Variants in MTHFD2L observed in about 807,000 individuals in gnomAD.
MTHFD2L encodes the protein bifunctional methylenetetrahydrofolate dehydrogenase/cyclohydrolase 2, mitochondrial.
MTHFD2L carries 29 observed loss-of-function variants against 34.9 expected under a neutral mutation model. The observed-to-expected ratio is 0.83, with a 90% CI of 0.62 to 1.13. MTHFD2L has a LOEUF of 1.13. Among genes scored for constraint, MTHFD2L ranks in the 50% most tolerant of loss-of-function variants. The pLI, the probability that MTHFD2L is intolerant of heterozygous loss-of-function variation, is 0.00. For synonymous variants in MTHFD2L, 167 were observed against 155.7 expected (o/e 1.07, Z -0.54); for missense variants, 481 against 446.5 (o/e 1.08, Z -0.70).
chr4:74,165,462 A>G (rs1726479692), intron 1 of MTHFD2L, among the ~76,000 whole-genome samples: 1 of 152,064 alleles, frequency 6.6e-6, no homozygotes, highest in Non-Finnish European at 1.5e-5. Context: ...GGTTCAAGTG[A>G]TTCTCCTGCC....
upstream of MTHFD2L, among the ~76,000 whole-genome samples, chr4:74,155,230 G>A (rs1326850480): frequency 6.6e-6 from 1 of 152,128 alleles, no homozygotes; most frequent in African/African-American, 2.4e-5. Context: ...TTTCATATAA[G>A]TGTAATACAG....
intron 3 of MTHFD2L, among the ~76,000 whole-genome samples, chr4:74,192,069 G>T (rs779110095): frequency 1.3e-5 from 2 of 152,072 alleles, no homozygotes; most frequent in Non-Finnish European, 2.9e-5. Context: ...CTGTGGATCA[G>T]TGAAAAAGAA....
At chr4:74,137,463 A>G (rs1434730529) in intron 1 of MTHFD2L, among the ~76,000 whole-genome samples, 1 of 152,190 alleles carries the variant, frequency 6.6e-6, no homozygotes, top group Non-Finnish European at 1.5e-5. Flanking sequence ...AAGATAGATA[A>G]TAACAGATGC....
chr4:74,220,992 T>C (rs913756657), intron 5 of MTHFD2L, among the ~76,000 whole-genome samples: 1 of 151,118 alleles, frequency 6.6e-6, no homozygotes, highest in African/African-American at 2.4e-5. Context: ...TTATAGGATC[T>C]AATATGAAGT....
chr4:74,144,270 T>C (rs998153241), intron 1 of MTHFD2L, among the ~76,000 whole-genome samples: 4 of 152,070 alleles, frequency 2.6e-5, no homozygotes, highest in Admixed American at 2.0e-4. Context: ...CTGACCAATA[T>C]GGTGAAACCC....
At chr4:74,239,442 C>T (rs1261909004) in intron 6 of MTHFD2L, among the ~76,000 whole-genome samples, 3 of 149,470 alleles carry the variant, frequency 2.0e-5, no homozygotes, top group African/African-American at 7.4e-5. Flanking sequence ...ACCTATGTAA[C>T]AAACCTGCAT....
At chr4:74,190,851 A>G (rs1190760239) in intron 3 of MTHFD2L, among the ~76,000 whole-genome samples, 1 of 152,208 alleles carries the variant, frequency 6.6e-6, no homozygotes, top group African/African-American at 2.4e-5. Flanking sequence ...ATTAAAATAT[A>G]AATTCCAGAG....
intron 1 of MTHFD2L, among the ~76,000 whole-genome samples, chr4:74,172,545 T>A (rs1728227618): frequency 6.6e-6 from 1 of 152,196 alleles, no homozygotes; most frequent in Admixed American, 6.5e-5. Context: ...TACTCATAAA[T>A]TATGATTGTT....
intron 1 of MTHFD2L, among the ~76,000 whole-genome samples, chr4:74,171,808 A>G (rs1728056240): frequency 6.6e-6 from 1 of 152,216 alleles, no homozygotes; most frequent in Non-Finnish European, 1.5e-5. Flanking sequence ...CCCACAAAAA[A>G]AATATTTTAA....
rs1230795847 is a variant in MTHFD2L at position 74,250,733 on chromosome 4, T to G, written c.805+25339T>G. Among the ~76,000 whole-genome samples the G allele has an allele frequency of 3.9e-5, 6 of 152,190 alleles. No homozygotes were observed. The South Asian group carries it at 1.2e-3, about 32-fold the overall frequency. On this transcript the variant is annotated intron_variant, in intron 6 of 7. Coordinates refer to ENST00000325278, the MANE Select transcript of MTHFD2L (RefSeq NM_001144978.3). Reference sequence around the variant, plus strand: ...CCCTAGCAAATCCAGTCAGTTATTATATGGTGTTCTCTTCTCTTGCTTCAA... The same window carrying G: ...CCCTAGCAAATCCAGTCAGTTATTAGATGGTGTTCTCTTCTCTTGCTTCAA...
At chr4:74,301,258 A>T (rs994561704) in intron 7 of MTHFD2L, among the ~76,000 whole-genome samples, 1 of 152,118 alleles carries the variant, frequency 6.6e-6, no homozygotes, top group African/African-American at 2.4e-5. Context: ...TTATCCACAC[A>T]TACATTGTGA....
intron 1 of MTHFD2L, among the ~76,000 whole-genome samples, chr4:74,149,549 A>G (rs1723804922): frequency 6.6e-6 from 1 of 152,270 alleles, no homozygotes; most frequent in African/African-American, 2.4e-5. Flanking sequence ...AAACCAAGGA[A>G]GACTGAGCAT....
intron 6 of MTHFD2L, among the ~76,000 whole-genome samples, chr4:74,244,047 C>G (rs1175332691): frequency 6.6e-6 from 1 of 152,160 alleles, no homozygotes; most frequent in Non-Finnish European, 1.5e-5. Flanking sequence ...GGAGAAAATG[C>G]CACTCCCTGT....
intron 6 of MTHFD2L, among the ~76,000 whole-genome samples, chr4:74,226,036 T>A (rs1415457010): frequency 2.6e-5 from 4 of 152,088 alleles, no homozygotes; most frequent in African/African-American, 9.7e-5. Flanking sequence ...AAGCCCAAAC[T>A]TTTATAATAA....
In MTHFD2L at chr4:74,301,928, G is replaced by A. The variant is rs188944265; in HGVS notation, c.*119G>A. ...CTACATGGTATTTATTTTTTCATGGGTGAAATCATTGTGAATCAATTGATT... is the reference window on the plus strand; with the variant it reads ...CTACATGGTATTTATTTTTTCATGGATGAAATCATTGTGAATCAATTGATT... On this transcript the variant is annotated 3_prime_UTR_variant, in exon 8 of 8. Transcript: ENST00000325278. 6.2e-4 allele frequency: 306 copies of A among 491,326 alleles called. No individual in the cohort carries two copies. Among genetic ancestry groups the A allele is most frequent in the Non-Finnish European group, 8.9e-4 (252 of 282,378 alleles). The allele number at this position is 491,326 out of a possible 1,614,324, so 30.4% of individuals were successfully genotyped here. A position where few individuals can be genotyped will look rare whatever the true frequency, so the allele number is the denominator to read the frequency against.
chr4:74,302,468 GACT>G lies in MTHFD2L; in HGVS notation c.*664_*666del, dbSNP rs1553925262. Reference sequence around the variant, plus strand: ...GTAATGATTTTATCACATGGTGAATGACTACTAAGAGTAATGATTATATCACAT... The same window carrying G: ...GTAATGATTTTATCACATGGTGAATGACTAAGAGTAATGATTATATCACAT... On this transcript the variant is annotated 3_prime_UTR_variant, in exon 8 of 8. Coordinates refer to ENST00000325278, the MANE Select transcript of MTHFD2L (RefSeq NM_001144978.3). 1 of 152,108 alleles carries G rather than the reference GACT, an allele frequency of 6.6e-6. No homozygotes were observed. The highest frequency in any genetic ancestry group is 1.5e-5 in the Non-Finnish European group (1 of 67,994). 9.4% of individuals were successfully genotyped at this position (152,108 alleles called of 1,614,324 possible). A position where few individuals can be genotyped will look rare whatever the true frequency, so the allele number is the denominator to read the frequency against.
At chr4:74,124,282 T>TA (rs1721922817), upstream of MTHFD2L, among the ~76,000 whole-genome samples, 2 of 151,542 alleles carry the variant, frequency 1.3e-5, no homozygotes, top group African/African-American at 4.9e-5. Context: ...AAGTTTTTTT[T>TA]TAAAAAAAAT....
intron 1 of MTHFD2L, among the ~76,000 whole-genome samples, chr4:74,137,282 C>T (rs1371223506): frequency 6.6e-6 from 1 of 151,912 alleles, no homozygotes; most frequent in Admixed American, 6.6e-5. Flanking sequence ...AAAATGTAAA[C>T]CTTAATTTAA....
intron 7 of MTHFD2L, among the ~76,000 whole-genome samples, chr4:74,282,579 A>G (rs1412689273): frequency 1.3e-5 from 2 of 152,166 alleles, no homozygotes; most frequent in East Asian, 3.9e-4. Context: ...TACTGGCCCT[A>G]TATATGTGAG....
Sources: gnomAD v4.1 joint callset for allele counts (sites outside exome capture counted in the v4.1 genomes callset) on GRCh38, gnomAD v4.1.1 for gene constraint, MANE v1.5 for transcripts, NCBI Gene and HGNC (gene_info 2026-07-23, HGNC 2026-07-21) for gene names.